The following KCTD20 variants were observed in gnomAD, a reference collection of about 807,000 sequenced individuals.
KCTD20 encodes BTB/POZ domain-containing protein KCTD20.
Under a neutral mutation model 39.6 loss-of-function variants are expected in KCTD20, and 30 were observed. That is an observed-to-expected ratio of 0.76 (90% CI 0.57 to 1.03). The LOEUF is 1.03. Ranked by LOEUF, KCTD20 falls within the 50% of genes least tolerant of loss-of-function variation. KCTD20 has a pLI of 0.00. For missense variants in KCTD20, 422 were observed against 522.0 expected, an observed-to-expected ratio of 0.81 and a Z score of 1.87; for synonymous variants, 162 against 180.6, an observed-to-expected ratio of 0.90 and a Z score of 0.83.
intron 1 of KCTD20, chr6:36,452,541 C>CTTTTT (rs57480327): frequency 3.9e-4 from 50 of 126,856 alleles, no homozygotes; most frequent in Non-Finnish European, 5.3e-4. Context: ...TCTTCATTTT[C>CTTTTT]TTTTTTTTTT....
intron 1 of KCTD20, among the ~76,000 whole-genome samples, chr6:36,467,463 C>T (rs991368164): frequency 9.6e-5 from 14 of 145,122 alleles, no homozygotes; most frequent in African/African-American, 1.8e-4. Flanking sequence ...CTCAGCCTCC[C>T]GAGTAGCTGG....
intron 2 of KCTD20, among the ~76,000 whole-genome samples, chr6:36,474,384 T>C (rs2127447912): frequency 6.6e-6 from 1 of 152,252 alleles, no homozygotes; most frequent in Admixed American, 6.5e-5. Flanking sequence ...GCAATAGAAG[T>C]GAAAACAAGT....
At chr6:36,449,807 G>T (rs1775183807) in intron 1 of KCTD20, among the ~76,000 whole-genome samples, 1 of 152,170 alleles carries the variant, frequency 6.6e-6, no homozygotes, top group African/African-American at 2.4e-5. Context: ...AGGACTAGGG[G>T]TTAGGGCTTC....
chr6:36,480,458 A>G (rs1033816725), intron 5 of KCTD20, among the ~76,000 whole-genome samples: 2 of 114,432 alleles, frequency 1.7e-5, no homozygotes, highest in African/African-American at 7.0e-5. Flanking sequence ...TCTTGCTACT[A>G]TGTTGCTCAG....
intron 7 of KCTD20, 37 bp from the exon 8 acceptor site, chr6:36,486,846 A>G (rs1359416660): frequency 2.6e-6 from 4 of 1,556,282 alleles, no homozygotes; most frequent in Non-Finnish European, 3.5e-6. Context: ...AGTGAGCACA[A>G]TTTGTTAGTC....
At chr6:36,477,521 C>T (rs1776102716) in intron 3 of KCTD20, among the ~76,000 whole-genome samples, 1 of 148,570 alleles carries the variant, frequency 6.7e-6, no homozygotes, top group African/African-American at 2.5e-5. Flanking sequence ...CGCTCTGTCG[C>T]CCAGGCTGGA....
In KCTD20 at chr6:36,486,870, T is replaced by C; in HGVS notation, c.968-13T>C. 1.2e-6 allele frequency: 2 copies of C among 1,606,594 alleles called. No individual in the cohort carries two copies. Among genetic ancestry groups the C allele is most frequent in the Non-Finnish European group, 1.7e-6 (2 of 1,176,022 alleles). On this transcript the variant is annotated splice_polypyrimidine_tract_variant and intron_variant, in intron 7 of 7. Transcript: ENST00000373731. ...AATTTGTTAGTCATGAGAATGGCCTTTTTCCATTGCAGGTTACCCTACCTG... is the reference window on the plus strand; with the variant it reads ...AATTTGTTAGTCATGAGAATGGCCTCTTTCCATTGCAGGTTACCCTACCTG...
At position 36,489,974 on chromosome 6, in the gene KCTD20, A is replaced by G. The variant is rs982777575; in HGVS notation, c.*2799A>G. ...AAAATATTTGAAAGAATGGCAGCAA[A>G]AAGGTTAAGAAAGCAAGCCAGATTT... On this transcript the variant is annotated 3_prime_UTR_variant, in exon 8 of 8. Coordinates refer to ENST00000373731, the MANE Select transcript of KCTD20 (RefSeq NM_173562.5). 3 of 152,222 alleles carry G rather than the reference A, an allele frequency of 2.0e-5. No homozygotes were observed. The highest frequency in any genetic ancestry group is 7.2e-5 in the African/African-American group (3 of 41,444). 9.4% of individuals were successfully genotyped at this position (152,222 alleles called of 1,614,324 possible).
chr6:36,460,328 G>A (rs370886096), intron 1 of KCTD20, among the ~76,000 whole-genome samples: 653 of 62,694 alleles, frequency 0.01, 3 homozygotes, highest in Non-Finnish European at 0.015. Context: ...TTTTTTTCCC[G>A]AGACTGAGCC....
At chr6:36,472,965 A>G (rs1188252503) in intron 2 of KCTD20, among the ~76,000 whole-genome samples, 1 of 151,918 alleles carries the variant, frequency 6.6e-6, no homozygotes, top group African/African-American at 2.4e-5. Context: ...CAGTGGTACA[A>G]TCTTGGCTTG....
chr6:36,456,888 A>T (rs7744363), intron 1 of KCTD20, among the ~76,000 whole-genome samples: 1 of 151,902 alleles, frequency 6.6e-6, no homozygotes, highest in Non-Finnish European at 1.5e-5. Flanking sequence ...GGCTAGTCTC[A>T]TGCAATCCTC....
Position 36,448,015 on chromosome 6 carries a change from G to GTGTATGTATA in KCTD20, c.-47+4905_-47+4906insGTATGTATAT, listed in dbSNP as rs559687288. On this transcript the variant is annotated intron_variant, in intron 1 of 7. Coordinates refer to ENST00000373731, the MANE Select transcript of KCTD20 (RefSeq NM_173562.5). ...CCAAAATATATGTGTATGTGTGTGT[G>GTGTATGTATA]TATATATATATATATATATATATAT... 5.1e-3 allele frequency among the ~76,000 whole-genome samples: 659 copies of GTGTATGTATA among 128,888 alleles called. 15 individuals carry two copies. Among genetic ancestry groups the GTGTATGTATA allele is most frequent in the East Asian group, 0.022 (105 of 4,750 alleles). The allele number at this position is 128,888 out of a possible 152,430, so 84.6% of individuals were successfully genotyped here.
rs1775302764 is a variant in KCTD20 at position 36,452,879 on chromosome 6, A to G, written c.-47+9768A>G. On this transcript the variant is annotated intron_variant, in intron 1 of 7. Transcript: ENST00000373731. ...AACTTCACTGAGAGAGAATTCACAT[A>G]ACATACAATTCACTCATATAAAGTA... Among the ~76,000 whole-genome samples the G allele has an allele frequency of 2.6e-5, 4 of 151,852 alleles. No homozygotes were observed. In the South Asian group the frequency reaches 8.3e-4, roughly 32 times the overall value.
At chr6:36,481,074 C>A (rs560011014) in intron 5 of KCTD20, among the ~76,000 whole-genome samples, 1 of 152,340 alleles carries the variant, frequency 6.6e-6, no homozygotes, top group East Asian at 1.9e-4. Context: ...CTCTGAATTT[C>A]ATGATACATT....
intron 1 of KCTD20, chr6:36,443,390 A>T (rs558203168): frequency 6.6e-5 from 10 of 152,272 alleles, no homozygotes; most frequent in African/African-American, 2.4e-4. Context: ...GCTGAAGTGT[A>T]ACTTGACTGC....
intron 6 of KCTD20, among the ~76,000 whole-genome samples, chr6:36,483,782 G>A (rs1365912020): frequency 6.6e-6 from 1 of 151,992 alleles, no homozygotes; most frequent in Non-Finnish European, 1.5e-5. Flanking sequence ...GCCCCCGAAA[G>A]TGTTGTGATT....
chr6:36,481,857 C>A, intron 6 of KCTD20, 98 bp downstream of exon 6: 3 of 1,020,430 alleles, frequency 2.9e-6, no homozygotes, highest in South Asian at 2.8e-5. Flanking sequence ...CAATGTTGAG[C>A]CTGTGATGAG....
At chr6:36,453,521 T>C (rs909728734) in intron 1 of KCTD20, among the ~76,000 whole-genome samples, 7 of 151,336 alleles carry the variant, frequency 4.6e-5, no homozygotes, top group Admixed American at 6.6e-5. Context: ...TTTTTTGTTT[T>C]TTTTTTTTTT....
intron 1 of KCTD20, among the ~76,000 whole-genome samples, chr6:36,460,594 C>G (rs1159765776): frequency 6.6e-6 from 1 of 152,104 alleles, no homozygotes; most frequent in Non-Finnish European, 1.5e-5. Flanking sequence ...CGTGAGCCAC[C>G]GCACCCAGCC....
Sources: gnomAD v4.1 joint callset for allele counts (sites outside exome capture counted in the v4.1 genomes callset) on GRCh38, gnomAD v4.1.1 for gene constraint, MANE v1.5 for transcripts, NCBI Gene and HGNC (gene_info 2026-07-23, HGNC 2026-07-21) for gene names.